Variants in KCNC2 observed in about 807,000 individuals in gnomAD.
The protein encoded by KCNC2 is voltage-gated potassium channel KCNC2.
In KCNC2, 21 loss-of-function variants were observed where a neutral mutation model predicts 44.5. The observed-to-expected ratio is 0.47, with a 90% CI of 0.33 to 0.68. The LOEUF is 0.68. KCNC2 is among the 30% of genes least tolerant of loss of function. The probability of loss-of-function intolerance (pLI) is 0.01; values close to 1 mark genes in which losing one functional copy is unlikely to be tolerated. For synonymous variants in KCNC2, 391 were observed against 339.1 expected (o/e 1.15, Z -1.68); for missense variants, 589 against 826.2 (o/e 0.71, Z 3.52).
intron 2 of KCNC2, among the ~76,000 whole-genome samples, chr12:75,156,342 G>C (rs536483673): frequency 6.6e-6 from 1 of 151,774 alleles, no homozygotes; most frequent in African/African-American, 2.4e-5. Flanking sequence ...ACAGAAAAAG[G>C]ATATGAAATG....
At chr12:75,152,314 C>T (rs369238889) in intron 2 of KCNC2, among the ~76,000 whole-genome samples, 96 of 150,588 alleles carry the variant, frequency 6.4e-4, no homozygotes, top group East Asian at 1.8e-3. Flanking sequence ...TTAAAATCAA[C>T]GAAAAAGAAA....
intron 2 of KCNC2, among the ~76,000 whole-genome samples, chr12:75,137,521 A>G (rs1185543229): frequency 3.3e-5 from 5 of 152,242 alleles, no homozygotes; most frequent in African/African-American, 9.6e-5. Context: ...CAAAATGGTT[A>G]AAAGAAATAA....
intron 2 of KCNC2, among the ~76,000 whole-genome samples, chr12:75,161,347 C>T (rs536937350): frequency 3.0e-4 from 45 of 151,718 alleles, no homozygotes; most frequent in African/African-American, 1.0e-3. Context: ...ACTGATTTTA[C>T]TCATAGCAGC....
intron 2 of KCNC2, among the ~76,000 whole-genome samples, chr12:75,109,814 A>T (rs1057499886): frequency 2.0e-5 from 3 of 152,156 alleles, no homozygotes; most frequent in African/African-American, 7.2e-5. Flanking sequence ...TAGTTCACAT[A>T]GAGAAGTCTG....
intron 2 of KCNC2, among the ~76,000 whole-genome samples, chr12:75,191,574 C>T (rs2030267719): frequency 3.2e-5 from 3 of 94,540 alleles, no homozygotes; most frequent in South Asian, 7.7e-4. Flanking sequence ...GACGGAGTCT[C>T]GCTCTGTCGC....
chr12:75,163,369 A>G (rs537935600), intron 2 of KCNC2, among the ~76,000 whole-genome samples: 85 of 151,878 alleles, frequency 5.6e-4, no homozygotes, highest in African/African-American at 1.8e-3. Context: ...TGGAGAATAA[A>G]TAAAATTGTT....
Position 75,040,360 on chromosome 12 carries a change from T to C in KCNC2, c.*2745A>G, listed in dbSNP as rs1474032173. ...GTTTTAAAGACACGTACAAGCTTCATTTGCCACAAAACTCACAAAAAAGTA... is the reference window on the plus strand; with the variant it reads ...GTTTTAAAGACACGTACAAGCTTCACTTGCCACAAAACTCACAAAAAAGTA... On this transcript the variant is annotated 3_prime_UTR_variant, in exon 5 of 5. Transcript: ENST00000549446. The C allele has an allele frequency of 1.3e-5, 2 of 152,182 alleles. No homozygotes were observed. Among genetic ancestry groups the C allele is most frequent in the Non-Finnish European group, 2.9e-5 (2 of 67,950 alleles). 9.4% of individuals were successfully genotyped at this position (152,182 alleles called of 1,614,324 possible). A position where few individuals can be genotyped will look rare whatever the true frequency, so the allele number is the denominator to read the frequency against.
chr12:75,194,075 C>A (rs1486462498), intron 2 of KCNC2, among the ~76,000 whole-genome samples: 1 of 151,904 alleles, frequency 6.6e-6, no homozygotes, highest in Non-Finnish European at 1.5e-5. Flanking sequence ...AGAAAGATTC[C>A]CTGAATATTG....
chr12:75,043,986 C>G (rs1880203565), intron 4 of KCNC2, among the ~76,000 whole-genome samples: 1 of 151,914 alleles, frequency 6.6e-6, no homozygotes, highest in Admixed American at 6.6e-5. Context: ...TCTTTTCTTT[C>G]TATTATATCA....
chr12:75,190,427 C>A (rs1351460358), intron 2 of KCNC2, among the ~76,000 whole-genome samples: 1 of 152,188 alleles, frequency 6.6e-6, no homozygotes, highest in Non-Finnish European at 1.5e-5. Flanking sequence ...TGCTAACAAT[C>A]AAAGGTTATG....
Position 75,042,465 on chromosome 12 carries a change from T to A in KCNC2, c.*640A>T. 1 of 1,491,918 alleles carries A rather than the reference T, an allele frequency of 6.7e-7. No individual in the cohort carries two copies. The highest frequency in any genetic ancestry group is 1.3e-5 in the South Asian group (1 of 76,000). 92.4% of individuals were successfully genotyped at this position (1,491,918 alleles called of 1,614,324 possible). A position where few individuals can be genotyped will look rare whatever the true frequency, so the allele number is the denominator to read the frequency against. On this transcript the variant is annotated 3_prime_UTR_variant, in exon 5 of 5. Transcript: ENST00000549446. ...TCAAGAAATTAAACTATTTAAAACA[T>A]ATATTTCTTTCAAATAATAAGAAAA... is the stretch of plus-strand genomic sequence containing the variant.
intron 2 of KCNC2, among the ~76,000 whole-genome samples, chr12:75,089,150 T>C (rs936542084): frequency 6.6e-6 from 1 of 151,914 alleles, no homozygotes; most frequent in Admixed American, 6.6e-5. Flanking sequence ...CATATATGTA[T>C]GTTAATTACT....
chr12:75,087,109 C>G (rs952383801), intron 2 of KCNC2, among the ~76,000 whole-genome samples: 3 of 152,112 alleles, frequency 2.0e-5, no homozygotes, highest in East Asian at 1.9e-4. Flanking sequence ...AATGATAACT[C>G]TATATGAGAA....
chr12:75,055,639 T>C (rs192247399), intron 2 of KCNC2, among the ~76,000 whole-genome samples: 40 of 152,258 alleles, frequency 2.6e-4, no homozygotes, highest in Non-Finnish European at 1.0e-4. Flanking sequence ...AAAAATACTC[T>C]GTTAAAATAT....
chr12:75,120,752 T>A (rs1334752942), intron 2 of KCNC2, among the ~76,000 whole-genome samples: 1 of 152,158 alleles, frequency 6.6e-6, no homozygotes, highest in Non-Finnish European at 1.5e-5. Context: ...AGAAGAGATA[T>A]GGGAATTATT....
chr12:75,186,550 T>C (rs1268232862), intron 2 of KCNC2, among the ~76,000 whole-genome samples: 6 of 152,224 alleles, frequency 3.9e-5, no homozygotes, highest in Non-Finnish European at 7.3e-5. Flanking sequence ...TGTTCACTAC[T>C]ATGAAACAAT....
intron 2 of KCNC2, among the ~76,000 whole-genome samples, chr12:75,193,662 G>A (rs2030507019): frequency 6.6e-6 from 1 of 152,072 alleles, no homozygotes; most frequent in Non-Finnish European, 1.5e-5. Context: ...AAAGAAAAAG[G>A]AAAGGTAACC....
chr12:75,074,807 G>A (rs1209151850), intron 2 of KCNC2, among the ~76,000 whole-genome samples: 2 of 152,170 alleles, frequency 1.3e-5, no homozygotes, highest in East Asian at 3.9e-4. Context: ...TGAAGTGCTG[G>A]ACAAGAGAGG....
intron 3 of KCNC2, among the ~76,000 whole-genome samples, chr12:75,049,879 T>C (rs1880984138): frequency 6.6e-6 from 1 of 152,138 alleles, no homozygotes; most frequent in Admixed American, 6.6e-5. Context: ...TTATCTTCCA[T>C]ATCACCTGTT....
Sources: allele counts gnomAD v4.1 joint callset (sites outside exome capture counted in the v4.1 genomes callset), GRCh38; gene constraint gnomAD v4.1.1; transcripts MANE v1.5; gene names NCBI Gene and HGNC (gene_info 2026-07-23, HGNC 2026-07-21).